Variants in OTOGL observed in about 807,000 individuals in gnomAD.
The protein encoded by OTOGL is otogelin-like protein.
A neutral mutation model predicts 318.5 loss-of-function variants in OTOGL; 285 were observed. That is an observed-to-expected ratio of 0.89 (90% CI 0.81 to 0.99). The LOEUF is 0.99. Ranked by LOEUF, OTOGL falls within the 50% of genes least tolerant of loss-of-function variation. The pLI, the probability that OTOGL is intolerant of heterozygous loss-of-function variation, is 0.00. For missense variants in OTOGL, 2,899 were observed against 2,845.6 expected (o/e 1.02, Z -0.43); for synonymous variants, 987 against 936.5 (o/e 1.05, Z -0.99).
intron 1 of OTOGL, among the ~76,000 whole-genome samples, chr12:80,142,465 T>C (rs970108640): frequency 7.9e-5 from 12 of 152,334 alleles, no homozygotes; most frequent in South Asian, 6.2e-4. Context: ...TTTTCTGTGT[T>C]GTGCCAAGAT....
chr12:80,273,735 A>G (rs1263620586), intron 24 of OTOGL, among the ~76,000 whole-genome samples: 1 of 151,854 alleles, frequency 6.6e-6, no homozygotes, highest in Non-Finnish European at 1.5e-5. Flanking sequence ...ATTTTTTACA[A>G]ATTGAAGGTG....
chr12:80,197,858 A>G (rs1202584432), intron 1 of OTOGL, among the ~76,000 whole-genome samples: 1 of 152,242 alleles, frequency 6.6e-6, no homozygotes, highest in African/African-American at 2.4e-5. Flanking sequence ...TGGGGACTCT[A>G]TCGTATGAAA....
intron 14 of OTOGL, among the ~76,000 whole-genome samples, chr12:80,254,200 A>C (rs1881819690): frequency 6.6e-6 from 1 of 152,078 alleles, no homozygotes; most frequent in African/African-American, 2.4e-5. Flanking sequence ...TTTATCTGAC[A>C]TAAGAGGAGA....
chr12:80,100,459 T>C (rs1335723401), intron 1 of OTOGL, among the ~76,000 whole-genome samples: 3 of 152,310 alleles, frequency 2.0e-5, no homozygotes, highest in Middle Eastern at 3.4e-3. Context: ...ATAACTATTA[T>C]GTATCCATAA....
intron 1 of OTOGL, among the ~76,000 whole-genome samples, chr12:80,146,401 A>T (rs1343307552): frequency 6.6e-6 from 1 of 150,968 alleles, no homozygotes; most frequent in African/African-American, 2.5e-5. Flanking sequence ...CATCCCAGGG[A>T]TGAAGCCCTC....
chr12:80,231,454 T>C (rs972722965), intron 8 of OTOGL, among the ~76,000 whole-genome samples: 18 of 152,162 alleles, frequency 1.2e-4, no homozygotes, highest in African/African-American at 4.3e-4. Flanking sequence ...GGATTATCCC[T>C]TTGTTAATTA....
At chr12:80,107,141 T>A (rs924848694) in intron 1 of OTOGL, among the ~76,000 whole-genome samples, 2 of 152,178 alleles carry the variant, frequency 1.3e-5, no homozygotes, top group Admixed American at 1.3e-4. Flanking sequence ...TATATTAGTT[T>A]CCTATTTCTG....
At chr12:80,234,337 GTGTT>G (rs929194613) in intron 9 of OTOGL, among the ~76,000 whole-genome samples, 57 of 152,268 alleles carry the variant, frequency 3.7e-4, no homozygotes, top group African/African-American at 1.2e-3. Flanking sequence ...GCTTAGATAA[GTGTT>G]TGAGTAATTG....
At chr12:80,349,387 G>A (rs1889400639) in intron 44 of OTOGL, among the ~76,000 whole-genome samples, 1 of 152,104 alleles carries the variant, frequency 6.6e-6, no homozygotes, top group Non-Finnish European at 1.5e-5. Context: ...AGACAAAGAA[G>A]GTTTAAATGC....
Position 80,377,300 on chromosome 12 carries a change from G to T in OTOGL, c.6861+98G>T, listed in dbSNP as rs559678340. 6.6e-6 allele frequency: 5 copies of T among 760,324 alleles called. No homozygotes were observed. In the African/African-American group the frequency reaches 9.1e-5, roughly 14 times the overall value. 47.1% of individuals were successfully genotyped at this position (760,324 alleles called of 1,614,324 possible). A position where few individuals can be genotyped will look rare whatever the true frequency, so the allele number is the denominator to read the frequency against. ...GTTTGTAAGCCAACAAACTGCCAAC[G>T]CTTAACAATATTTAACTGAGATTAT... is the stretch of plus-strand genomic sequence containing the variant. On this transcript the variant is annotated intron_variant, in intron 58 of 58. Coordinates refer to ENST00000547103, the MANE Select transcript of OTOGL (RefSeq NM_001378609.3).
At chr12:80,153,301 C>A (rs1487320391) in intron 1 of OTOGL, among the ~76,000 whole-genome samples, 1 of 152,158 alleles carries the variant, frequency 6.6e-6, no homozygotes, top group Non-Finnish European at 1.5e-5. Context: ...CAAGGGAGTT[C>A]TTTGGAGTCT....
At chr12:80,170,583 G>T (rs1335462485) in intron 1 of OTOGL, among the ~76,000 whole-genome samples, 3 of 151,876 alleles carry the variant, frequency 2.0e-5, no homozygotes, top group Admixed American at 2.0e-4. Flanking sequence ...ACAGGTGCTT[G>T]CCACCATGCC....
At chr12:80,179,313 T>G (rs1874756190) in intron 1 of OTOGL, among the ~76,000 whole-genome samples, 1 of 152,222 alleles carries the variant, frequency 6.6e-6, no homozygotes, top group Middle Eastern at 3.2e-3. Context: ...CTCCTGATGT[T>G]GACTGATGAA....
chr12:80,288,615 CT>C (rs1434125670), intron 26 of OTOGL, among the ~76,000 whole-genome samples: 1 of 151,892 alleles, frequency 6.6e-6, no homozygotes, highest in Non-Finnish European at 1.5e-5. Context: ...TTTCTCTGAT[CT>C]TGTCTTCACA....
At chr12:80,162,877 C>T (rs1873607036) in intron 1 of OTOGL, among the ~76,000 whole-genome samples, 1 of 151,900 alleles carries the variant, frequency 6.6e-6, no homozygotes, top group African/African-American at 2.4e-5. Context: ...TCATATGACT[C>T]ATGCACCCCT....
rs138262845 is a variant in OTOGL at position 80,310,743 on chromosome 12, A to C, written c.3450+16A>C. On this transcript the variant is annotated intron_variant, in intron 30 of 58. Coordinates refer to ENST00000547103, the MANE Select transcript of OTOGL (RefSeq NM_001378609.3). ...TCGCAATGTGGTAAATGAATACTTT[A>C]ATGAACTCTCGAGTTTCAATATGTT... 1.4e-3 allele frequency: 2,103 copies of C among 1,518,840 alleles called. 10 individuals are homozygous for C. The highest frequency in any genetic ancestry group is 0.012 in the East Asian group (518 of 44,422). The allele number at this position is 1,518,840 out of a possible 1,614,324, so 94.1% of individuals were successfully genotyped here.
At chr12:80,125,908 C>T (rs1184449905) in intron 1 of OTOGL, among the ~76,000 whole-genome samples, 4 of 151,964 alleles carry the variant, frequency 2.6e-5, no homozygotes, top group Non-Finnish European at 5.9e-5. Flanking sequence ...TTTTTTATTA[C>T]ATCTATTTGA....
chr12:80,155,109 G>A (rs182484745), intron 1 of OTOGL, among the ~76,000 whole-genome samples: 1 of 152,142 alleles, frequency 6.6e-6, no homozygotes, highest in Admixed American at 6.6e-5. Context: ...AAGGTCTTTG[G>A]CGCATTTATA....
At chr12:80,203,874 T>C (rs1159346310) in intron 1 of OTOGL, among the ~76,000 whole-genome samples, 1 of 152,180 alleles carries the variant, frequency 6.6e-6, no homozygotes, top group Non-Finnish European at 1.5e-5. Flanking sequence ...CCGTGAAGGA[T>C]GGTTTGGGAA....
Sources: allele counts gnomAD v4.1 joint callset (sites outside exome capture counted in the v4.1 genomes callset), GRCh38; gene constraint gnomAD v4.1.1; transcripts MANE v1.5; gene names NCBI Gene and HGNC (gene_info 2026-07-23, HGNC 2026-07-21).